Variants in ORC4 observed in about 807,000 individuals in gnomAD.
ORC4 encodes the protein origin recognition complex, subunit 4 homolog.
ORC4 carries 55 observed loss-of-function variants against 63.9 expected under a neutral mutation model. The ratio of observed to expected loss-of-function variants is 0.86; its 90% CI spans 0.69 to 1.08. The LOEUF is 1.08. Ranked by LOEUF, ORC4 falls within the 50% of genes least tolerant of loss-of-function variation. The pLI is 0.00. For missense variants in ORC4, 511 were observed against 504.4 expected, an observed-to-expected ratio of 1.01 and a Z score of -0.13; for synonymous variants, 150 against 168.5, an observed-to-expected ratio of 0.89 and a Z score of 0.85.
Position 147,931,427 on chromosome 2 carries a change from G to A in ORC4, c.*4083C>T, listed in dbSNP as rs1373632101. 1.3e-5 allele frequency: 2 copies of A among 152,118 alleles called. No individual in the cohort carries two copies. Among genetic ancestry groups the A allele is most frequent in the African/African-American group, 2.4e-5 (1 of 41,510 alleles). The allele number at this position is 152,118 out of a possible 1,614,324, so 9.4% of individuals were successfully genotyped here. A position where few individuals can be genotyped will look rare whatever the true frequency, so the allele number is the denominator to read the frequency against. On this transcript the variant is annotated 3_prime_UTR_variant, in exon 14 of 14. Transcript: ENST00000392857. The stretch of plus-strand genomic sequence containing the variant: ...TCCAGTTCTAGATCCCTGAGGAATC[G>A]CCACACTGACTTCCACAATGGTTGA...
At chr2:147,943,597 T>TA in intron 9 of ORC4, 75 bp from the exon 10 acceptor site, 2 of 821,852 alleles carry the variant, frequency 2.4e-6, no homozygotes, top group South Asian at 2.9e-5. Context: ...TCCTGTGCCT[T>TA]ACTGGTTGGT....
chr2:148,020,694 C>T lies in ORC4; in HGVS notation c.-79G>A, dbSNP rs1002024944. The T allele has an allele frequency of 5.2e-5, 8 of 152,480 alleles. No homozygotes were observed. The highest frequency in any genetic ancestry group is 1.9e-4 in the African/African-American group (8 of 41,436). The allele number at this position is 152,480 out of a possible 1,614,324, so 9.4% of individuals were successfully genotyped here. A position where few individuals can be genotyped will look rare whatever the true frequency, so the allele number is the denominator to read the frequency against. On this transcript the variant is annotated 5_prime_UTR_variant, in exon 1 of 14. Coordinates refer to ENST00000392857, the MANE Select transcript of ORC4 (RefSeq NM_181741.4). ...CTTCACCGAATCGCCTGGCCGCGTC[C>T]TCTGCTAGACTTCACCTGCCGCTGC...
At chr2:147,951,778 A>G (rs566924402) in intron 8 of ORC4, 1 of 152,632 alleles carries the variant, frequency 6.6e-6, no homozygotes, top group African/African-American at 2.4e-5. Context: ...GCGTGTAAGA[A>G]GGTAAACACA....
intron 13 of ORC4, chr2:147,937,117 A>G (rs1331332120): frequency 6.6e-6 from 1 of 151,836 alleles, no homozygotes; most frequent in Non-Finnish European, 1.5e-5. Flanking sequence ...ACCCTCCAGT[A>G]TTGTAAAATA....
chr2:147,973,439 T>TAGAA lies in ORC4; in HGVS notation c.134+8_134+9insTTCT. ...GGTCCATAACAGTCAAGAGGACAGC[T>TAGAA]AGACTTACTTGTATTGTACTTGCAC... On this transcript the variant is annotated intron_variant, in intron 3 of 13. Transcript: ENST00000392857. The TAGAA allele has an allele frequency of 6.4e-7, 1 of 1,556,374 alleles. No homozygotes were observed.
At chr2:147,960,383 T>C in intron 4 of ORC4, 1 of 957,788 alleles carries the variant, frequency 1.0e-6, no homozygotes, top group Non-Finnish European at 1.2e-6. Context: ...AAATTTATTG[T>C]TTATGCAATC....
chr2:147,957,636 T>C (rs1431038768), intron 6 of ORC4, among the ~76,000 whole-genome samples: 3 of 152,210 alleles, frequency 2.0e-5, no homozygotes, highest in East Asian at 1.9e-4. Flanking sequence ...TAAGATGATA[T>C]GATAATGAAG....
intron 1 of ORC4, among the ~76,000 whole-genome samples, chr2:147,990,455 G>C (rs1278212887): frequency 6.6e-6 from 1 of 152,204 alleles, no homozygotes; most frequent in East Asian, 1.9e-4. Flanking sequence ...GAATGGTTGA[G>C]TGTGGGGAGA....
chr2:147,988,951 C>A (rs957258922), intron 1 of ORC4, among the ~76,000 whole-genome samples: 4 of 152,256 alleles, frequency 2.6e-5, no homozygotes, highest in Admixed American at 6.5e-5. Flanking sequence ...ATTCTCATAT[C>A]TATACACTTA....
chr2:148,015,855 G>A (rs571797219), intron 1 of ORC4, among the ~76,000 whole-genome samples: 124 of 152,236 alleles, frequency 8.1e-4, no homozygotes, highest in African/African-American at 2.9e-3. Flanking sequence ...GCTAATGAAC[G>A]TACAGTGCAG....
At chr2:147,959,896 ACTT>A (rs1436238567) in intron 4 of ORC4, among the ~76,000 whole-genome samples, 1 of 152,174 alleles carries the variant, frequency 6.6e-6, no homozygotes, top group Non-Finnish European at 1.5e-5. Context: ...GCATAGAGGT[ACTT>A]CTTCACCTCT....
At chr2:147,957,669 G>T (rs578193199) in intron 6 of ORC4, among the ~76,000 whole-genome samples, 1 of 152,212 alleles carries the variant, frequency 6.6e-6, no homozygotes, top group Admixed American at 6.5e-5. Flanking sequence ...TCTGAAAACA[G>T]AATAACTGAC....
chr2:147,972,049 C>A (rs141708071), intron 4 of ORC4, among the ~76,000 whole-genome samples: 186 of 152,066 alleles, frequency 1.2e-3, no homozygotes, highest in Non-Finnish European at 2.0e-3. Context: ...ACAGATTTTA[C>A]ACAGACTACT....
At chr2:148,008,032 G>C (rs1692732519) in intron 1 of ORC4, among the ~76,000 whole-genome samples, 1 of 152,128 alleles carries the variant, frequency 6.6e-6, no homozygotes. Context: ...GTTAACTTTT[G>C]CACCAATCTA....
At chr2:147,977,549 G>A (rs1159442329) in intron 1 of ORC4, among the ~76,000 whole-genome samples, 1 of 152,156 alleles carries the variant, frequency 6.6e-6, no homozygotes, top group Non-Finnish European at 1.5e-5. Flanking sequence ...AAACCCCAGT[G>A]GGGCCCAAGA....
At chr2:148,013,855 G>A (rs1469819813) in intron 1 of ORC4, among the ~76,000 whole-genome samples, 2 of 152,142 alleles carry the variant, frequency 1.3e-5, no homozygotes, top group Admixed American at 6.5e-5. Context: ...CAACCTTTCT[G>A]CTGACGCCAA....
intron 9 of ORC4, among the ~76,000 whole-genome samples, chr2:147,945,066 T>A (rs181557717): frequency 1.3e-5 from 2 of 152,104 alleles, no homozygotes; most frequent in Non-Finnish European, 2.9e-5. Context: ...GGAAGATATG[T>A]GGCTAAATAT....
intron 10 of ORC4, among the ~76,000 whole-genome samples, chr2:147,941,835 A>G (rs1688383809): frequency 6.6e-6 from 1 of 151,954 alleles, no homozygotes; most frequent in South Asian, 2.1e-4. Flanking sequence ...CTAGTCCCCA[A>G]ATTCCTTCAT....
intron 4 of ORC4, among the ~76,000 whole-genome samples, chr2:147,960,004 A>AT (rs932471604): frequency 6.6e-6 from 1 of 151,718 alleles, no homozygotes; most frequent in Non-Finnish European, 1.5e-5. Context: ...TTTATTTTTT[A>AT]TTTTTTTTGC....
Sources: gnomAD v4.1 joint callset for allele counts (sites outside exome capture counted in the v4.1 genomes callset) on GRCh38, gnomAD v4.1.1 for gene constraint, MANE v1.5 for transcripts, NCBI Gene and HGNC (gene_info 2026-07-23, HGNC 2026-07-21) for gene names.